Variants in NHEJ1 observed in about 807,000 individuals in gnomAD.
NHEJ1 encodes non-homologous end joining factor 1.
In NHEJ1, 22 loss-of-function variants were observed where a neutral mutation model predicts 39.4. The observed-to-expected ratio is 0.56, with a 90% CI of 0.40 to 0.80. The LOEUF (loss-of-function observed/expected upper bound fraction) is 0.80, where lower values mean the gene tolerates loss of function less well. NHEJ1 is among the 30% of genes least tolerant of loss of function. The pLI, the probability that NHEJ1 is intolerant of heterozygous loss-of-function variation, is 0.00. For synonymous variants in NHEJ1, 154 were observed against 135.6 expected (o/e 1.14, Z -0.94); for missense variants, 329 against 357.1 (o/e 0.92, Z 0.63).
chr2:219,100,886 T>C (rs993588024), intron 5 of NHEJ1, among the ~76,000 whole-genome samples: 3 of 152,212 alleles, frequency 2.0e-5, no homozygotes, highest in Admixed American at 2.0e-4. Flanking sequence ...AAATTATTTT[T>C]TAAATACTAA....
At chr2:219,129,607 G>A (rs1420893074) in intron 5 of NHEJ1, among the ~76,000 whole-genome samples, 3 of 152,196 alleles carry the variant, frequency 2.0e-5, no homozygotes, top group Non-Finnish European at 4.4e-5. Flanking sequence ...ATGTCGGGGC[G>A]GGACTCCCCC....
At chr2:219,148,388 A>T (rs1949762573) in intron 3 of NHEJ1, among the ~76,000 whole-genome samples, 1 of 152,086 alleles carries the variant, frequency 6.6e-6, no homozygotes, top group African/African-American at 2.4e-5. Flanking sequence ...CCCCATCTCT[A>T]CCAAAAAAAA....
intron 5 of NHEJ1, among the ~76,000 whole-genome samples, chr2:219,108,011 G>A (rs570229322): frequency 1.5e-4 from 23 of 151,750 alleles, no homozygotes; most frequent in Admixed American, 7.9e-4. Context: ...CAGCGACTGC[G>A]CCATGACTGC....
At chr2:219,128,850 A>G (rs1949549028) in intron 5 of NHEJ1, among the ~76,000 whole-genome samples, 1 of 152,188 alleles carries the variant, frequency 6.6e-6, no homozygotes, top group African/African-American at 2.4e-5. Flanking sequence ...GGTAGCTGCC[A>G]GCCTAGGTCA....
intron 5 of NHEJ1, among the ~76,000 whole-genome samples, chr2:219,107,652 T>C (rs773931077): frequency 1.3e-5 from 2 of 151,962 alleles, no homozygotes; most frequent in Non-Finnish European, 2.9e-5. Flanking sequence ...CTTCTCTCTC[T>C]GTCTTCAGGA....
At chr2:219,159,464 T>A (rs1390774912) in intron 1 of NHEJ1, 1 of 150,034 alleles carries the variant, frequency 6.7e-6, no homozygotes, top group Non-Finnish European at 1.5e-5. Flanking sequence ...ATTAACACAG[T>A]CATTTCCCCT....
chr2:219,098,303 G>A (rs754846257), intron 5 of NHEJ1, among the ~76,000 whole-genome samples: 29 of 152,110 alleles, frequency 1.9e-4, no homozygotes, highest in Non-Finnish European at 2.8e-4. Flanking sequence ...TGGGCAAACT[G>A]GGGTGTCAGA....
intron 5 of NHEJ1, among the ~76,000 whole-genome samples, chr2:219,134,024 T>A (rs1949602039): frequency 6.6e-6 from 1 of 152,216 alleles, no homozygotes; most frequent in African/African-American, 2.4e-5. Flanking sequence ...TCTCCAGCTA[T>A]CTCATTTATT....
chr2:219,147,569 T>C, intron 4 of NHEJ1, 88 bp downstream of exon 4: 1 of 1,550,852 alleles, frequency 6.4e-7, no homozygotes, highest in Non-Finnish European at 8.9e-7. Context: ...GAGGCACTTC[T>C]CTAATGCAAA....
Position 219,111,299 on chromosome 2 carries a change from C to T in NHEJ1, c.589-33093G>A, listed in dbSNP as rs190927200. ...AAAAGGCAGCTGACAAAATTAGAAC[C>T]CAGGTTTCTTGGATAAGGGGTTAAC... On this transcript the variant is annotated intron_variant, in intron 5 of 7. Coordinates refer to ENST00000356853, the MANE Select transcript of NHEJ1 (RefSeq NM_024782.3). This position sits in a 1 kb window ranked among gnomAD's most constrained non-coding sequence, Gnocchi z 4.1. 2.0e-3 allele frequency among the ~76,000 whole-genome samples: 298 copies of T among 152,186 alleles called. 1 individual carries two copies. Among genetic ancestry groups the T allele is most frequent in the African/African-American group, 6.5e-3 (270 of 41,536 alleles).
In NHEJ1 at chr2:219,073,509, AGG is replaced by A. The variant is rs1313994863; in HGVS notation, c.*2870_*2871del. Among the ~76,000 whole-genome samples, 12 of 152,196 alleles carry A rather than the reference AGG, an allele frequency of 7.9e-5. No individual in the cohort carries two copies. Among genetic ancestry groups the A allele is most frequent in the Non-Finnish European group, 1.6e-4 (11 of 68,030 alleles). ...AAGGGATGAGGCTTTCTCTCCAAGC[AGG>A]GAGCATGCCTGTCCTAGCTAACTAT... On this transcript the variant is annotated 3_prime_UTR_variant, in exon 8 of 8. Coordinates refer to ENST00000356853, the MANE Select transcript of NHEJ1 (RefSeq NM_024782.3).
At chr2:219,147,600 G>T in intron 4 of NHEJ1, 57 bp downstream of exon 4, 1 of 1,610,484 alleles carries the variant, frequency 6.2e-7, no homozygotes, top group South Asian at 1.1e-5. Context: ...TCTTTGCTAA[G>T]ACCCTTTGAC....
chr2:219,128,692 G>A (rs1033323704), intron 5 of NHEJ1, among the ~76,000 whole-genome samples: 1 of 152,154 alleles, frequency 6.6e-6, no homozygotes, highest in Non-Finnish European at 1.5e-5. Flanking sequence ...ACACGTTCTT[G>A]CCCGGCCTCA....
intron 3 of NHEJ1, among the ~76,000 whole-genome samples, chr2:219,153,015 C>G (rs962558775): frequency 6.6e-6 from 1 of 151,960 alleles, no homozygotes. Flanking sequence ...GTTGGCCAGG[C>G]TGGTCTCGAA....
In NHEJ1 at chr2:219,074,220, T is replaced by C. The variant is rs976043225; in HGVS notation, c.*2161A>G. Among the ~76,000 whole-genome samples the C allele has an allele frequency of 2.6e-5, 4 of 152,204 alleles. No individual in the cohort carries two copies. Among genetic ancestry groups the C allele is most frequent in the African/African-American group, 4.8e-5 (2 of 41,444 alleles). The stretch of plus-strand genomic sequence containing the variant: ...CCTTTTTAGAAAGTCACACATTCTT[T>C]TTGAGAACATCAACAAAATTTTGCT... On this transcript the variant is annotated 3_prime_UTR_variant, in exon 8 of 8. Coordinates refer to ENST00000356853, the MANE Select transcript of NHEJ1 (RefSeq NM_024782.3).
chr2:219,153,654 C>A (rs968300466), intron 3 of NHEJ1, among the ~76,000 whole-genome samples: 2 of 124,946 alleles, frequency 1.6e-5, no homozygotes, highest in Non-Finnish European at 3.1e-5. Flanking sequence ...AACCTGGGCA[C>A]TATGATGAGA....
chr2:219,153,052 C>T (rs1322865639), intron 3 of NHEJ1, among the ~76,000 whole-genome samples: 1 of 152,130 alleles, frequency 6.6e-6, no homozygotes, highest in East Asian at 1.9e-4. Context: ...ATCCGCCCGC[C>T]TCGGCCTCCC....
intron 7 of NHEJ1, 99 bp downstream of exon 7, chr2:219,077,147 G>T: frequency 1.2e-6 from 1 of 866,844 alleles, no homozygotes; most frequent in Non-Finnish European, 2.0e-6. Context: ...CAATATTTTT[G>T]AGGCAGTGCC....
intron 5 of NHEJ1, among the ~76,000 whole-genome samples, chr2:219,103,385 C>G (rs778481290): frequency 6.6e-6 from 1 of 151,890 alleles, no homozygotes; most frequent in Non-Finnish European, 1.5e-5. Context: ...AAGCGATTCT[C>G]CTGTCTCAGA....
Sources: gnomAD v4.1 joint callset for allele counts (sites outside exome capture counted in the v4.1 genomes callset) on GRCh38, gnomAD v4.1.1 for gene constraint, Gnocchi (gnomAD v3.1) non-coding constraint, MANE v1.5 for transcripts, NCBI Gene and HGNC (gene_info 2026-07-23, HGNC 2026-07-21) for gene names.